The following PDE4D variants were observed in gnomAD, a reference collection of about 807,000 sequenced individuals.
The protein encoded by PDE4D is phosphodiesterase 4D.
In PDE4D, 24 loss-of-function variants were observed where a neutral mutation model predicts 87.4. The ratio of observed to expected loss-of-function variants is 0.27; its 90% confidence interval spans 0.20 to 0.39. The LOEUF (loss-of-function observed/expected upper bound fraction) is 0.39. Ranked by LOEUF, PDE4D falls within the 10% of genes least tolerant of loss-of-function variation. The pLI, the probability that PDE4D is intolerant of heterozygous loss-of-function variation, is 1.00. For synonymous variants in PDE4D, 384 were observed against 383.2 expected (o/e 1.00, Z -0.02); for missense variants, 714 against 1,041.0 (o/e 0.69, Z 4.32).
At chr5:60,364,005 T>A (rs1377428545) in intron 1 of PDE4D, among the ~76,000 whole-genome samples, 1 of 152,168 alleles carries the variant, frequency 6.6e-6, no homozygotes, top group Admixed American at 6.5e-5. Flanking sequence ...AAGTTACTGG[T>A]GAGTGTTAAG....
intron 1 of PDE4D, among the ~76,000 whole-genome samples, chr5:59,600,929 A>G (rs1379667828): frequency 1.3e-5 from 2 of 152,188 alleles, no homozygotes; most frequent in East Asian, 3.9e-4. Context: ...CTAATATTAC[A>G]ATGTATTACC....
chr5:59,386,744 G>A (rs1787134354), intron 1 of PDE4D, among the ~76,000 whole-genome samples: 2 of 150,358 alleles, frequency 1.3e-5, no homozygotes, highest in African/African-American at 4.9e-5. Flanking sequence ...AAGACAAAAA[G>A]AAATATGCCA....
chr5:60,380,801 G>A (rs1032340843), intron 1 of PDE4D, among the ~76,000 whole-genome samples: 3 of 152,150 alleles, frequency 2.0e-5, no homozygotes, highest in African/African-American at 7.2e-5. Context: ...ACGAGAAATC[G>A]ACATCACTTA....
chr5:60,266,603 G>A lies in PDE4D; in HGVS notation c.-89-80916C>T, dbSNP rs111998376. On this transcript the variant is annotated intron_variant, in intron 1 of 16. Coordinates refer to the PDE4D transcript ENST00000502484. ...GGGCAGGAGACTAGGCAATCTCCAG[G>A]CTTCTGTTTCCTGAGCTCTGACAGC... 4.1e-4 allele frequency among the ~76,000 whole-genome samples: 62 copies of A among 152,284 alleles called. 2 individuals carry two copies. The highest frequency in any genetic ancestry group is 1.4e-3 in the African/African-American group (59 of 41,570).
At chr5:60,471,270 G>A (rs918263355) in intron 1 of PDE4D, among the ~76,000 whole-genome samples, 1 of 152,182 alleles carries the variant, frequency 6.6e-6, no homozygotes, top group African/African-American at 2.4e-5. Flanking sequence ...GCAATCCCAT[G>A]ATAAAATTTG....
intron 1 of PDE4D, among the ~76,000 whole-genome samples, chr5:59,241,061 A>G (rs1471535438): frequency 6.6e-6 from 1 of 152,186 alleles, no homozygotes; most frequent in Non-Finnish European, 1.5e-5. Flanking sequence ...CACTTACTAA[A>G]TGCTTTGTAC....
At chr5:59,568,152 G>A (rs1264504087) in intron 1 of PDE4D, among the ~76,000 whole-genome samples, 1 of 152,092 alleles carries the variant, frequency 6.6e-6, no homozygotes, top group East Asian at 1.9e-4. Flanking sequence ...GGATGAAAGT[G>A]CATCAAAACA....
intron 2 of PDE4D, among the ~76,000 whole-genome samples, chr5:60,043,798 A>G: frequency 6.6e-6 from 1 of 152,164 alleles, no homozygotes; most frequent in East Asian, 1.9e-4. Flanking sequence ...AATTTCTTTC[A>G]ACATTTATTT....
At chr5:60,142,481 T>C (rs1382925035) in intron 2 of PDE4D, among the ~76,000 whole-genome samples, 10 of 152,150 alleles carry the variant, frequency 6.6e-5, no homozygotes, top group African/African-American at 1.9e-4. Context: ...AGAAAAAACA[T>C]TACTTTTAAC....
intron 1 of PDE4D, among the ~76,000 whole-genome samples, chr5:59,867,679 T>A (rs974202043): frequency 6.6e-6 from 1 of 152,102 alleles, no homozygotes; most frequent in Non-Finnish European, 1.5e-5. Context: ...TGGGAAACAA[T>A]CCAACAGACT....
intron 1 of PDE4D, among the ~76,000 whole-genome samples, chr5:59,704,547 G>A (rs1753097128): frequency 6.6e-6 from 1 of 152,144 alleles, no homozygotes; most frequent in South Asian, 2.1e-4. Context: ...GCATTGTGCT[G>A]GAAACTGGAT....
intron 1 of PDE4D, among the ~76,000 whole-genome samples, chr5:59,442,229 T>G (rs1797740124): frequency 6.6e-6 from 1 of 152,238 alleles, no homozygotes; most frequent in African/African-American, 2.4e-5. Context: ...ATTCAGATAT[T>G]AAATTGACTT....
chr5:60,329,218 G>T (rs1441914221), intron 1 of PDE4D, among the ~76,000 whole-genome samples: 3 of 152,106 alleles, frequency 2.0e-5, no homozygotes, highest in Non-Finnish European at 2.9e-5. Context: ...GTCATGAGAG[G>T]GACCCAGTAG....
intron 5 of PDE4D, among the ~76,000 whole-genome samples, chr5:59,175,485 T>C (rs1478275854): frequency 7.4e-6 from 1 of 134,454 alleles, no homozygotes; most frequent in Non-Finnish European, 1.6e-5. Flanking sequence ...TTTTTTTTTT[T>C]TTTTTTTTTT....
intron 1 of PDE4D, among the ~76,000 whole-genome samples, chr5:59,784,012 T>A (rs907392185): frequency 1.3e-5 from 2 of 152,090 alleles, no homozygotes; most frequent in Non-Finnish European, 2.9e-5. Flanking sequence ...GAGTTGGTAA[T>A]TGGGCCACTG....
At chr5:59,816,915 G>A (rs941818537) in intron 1 of PDE4D, among the ~76,000 whole-genome samples, 2 of 152,176 alleles carry the variant, frequency 1.3e-5, no homozygotes, top group Non-Finnish European at 1.5e-5. Flanking sequence ...TTTGTTCCTA[G>A]ATCCACAGCA....
intron 1 of PDE4D, among the ~76,000 whole-genome samples, chr5:59,664,517 T>C (rs542886171): frequency 9.2e-5 from 14 of 152,324 alleles, no homozygotes; most frequent in African/African-American, 2.6e-4. Context: ...GTAGAAAATT[T>C]AGCAGACAGG....
At chr5:60,021,508 G>T (rs974851661) in intron 2 of PDE4D, among the ~76,000 whole-genome samples, 18 of 152,214 alleles carry the variant, frequency 1.2e-4, no homozygotes, top group Non-Finnish European at 2.4e-4. Flanking sequence ...GCTGTGCAAA[G>T]CTGCTCAGAA....
At chr5:59,617,023 T>C (rs1469525135) in intron 1 of PDE4D, among the ~76,000 whole-genome samples, 3 of 150,046 alleles carry the variant, frequency 2.0e-5, no homozygotes, top group Non-Finnish European at 3.0e-5. Context: ...TTTTAAATTA[T>C]GCATCAGATT....
Sources: gnomAD v4.1 joint callset for allele counts (sites outside exome capture counted in the v4.1 genomes callset) on GRCh38, gnomAD v4.1.1 for gene constraint, MANE v1.5 for transcripts, NCBI Gene and HGNC (gene_info 2026-07-23, HGNC 2026-07-21) for gene names.